The following WLS variants were observed in gnomAD, a reference collection of about 807,000 sequenced individuals.
WLS encodes the protein protein wntless homolog.
WLS carries 23 observed loss-of-function variants against 62.8 expected under a neutral mutation model. The ratio of observed to expected loss-of-function variants is 0.37; its 90% confidence interval spans 0.26 to 0.52. The LOEUF is 0.52. WLS is among the 20% of genes least tolerant of loss of function. WLS has a pLI of 0.92. For synonymous variants in WLS, 246 were observed against 244.1 expected (o/e 1.01, Z -0.07); for missense variants, 615 against 697.3 (o/e 0.88, Z 1.33).
At chr1:68,193,130 G>GAAAAGA in intron 2 of WLS, among the ~76,000 whole-genome samples, 1 of 150,758 alleles carries the variant, frequency 6.6e-6, no homozygotes, top group South Asian at 2.1e-4. Flanking sequence ...GAAAAGAAAA[G>GAAAAGA]AAAAGAAAAA....
intron 11 of WLS, among the ~76,000 whole-genome samples, chr1:68,112,267 T>TACTGGCTA (rs1336621697): frequency 6.6e-6 from 1 of 152,212 alleles, no homozygotes; most frequent in Non-Finnish European, 1.5e-5. Flanking sequence ...GTGCACTAGC[T>TACTGGCTA]GTACAACAGT....
chr1:68,144,788 A>G (rs986026701), intron 9 of WLS, 136 bp from the exon 10 acceptor site: 26 of 675,946 alleles, frequency 3.8e-5, no homozygotes, highest in Non-Finnish European at 6.0e-5. Flanking sequence ...ATAGTTTCCC[A>G]TAGTAATATT....
At chr1:68,189,057 G>A (rs1013290696) in intron 2 of WLS, among the ~76,000 whole-genome samples, 2 of 152,192 alleles carry the variant, frequency 1.3e-5, no homozygotes, top group South Asian at 2.1e-4. Flanking sequence ...TATAAATTGT[G>A]CACTGTTCTG....
rs374267086 is a variant in WLS at position 68,210,311 on chromosome 1, A to G, written c.107-16084T>C. ...ACCAGACCAGGGGTATTTTAACTGGAGAAGAGAAAGTCAAAGGAGAGAAAT... is the reference window on the plus strand; with the variant it reads ...ACCAGACCAGGGGTATTTTAACTGGGGAAGAGAAAGTCAAAGGAGAGAAAT... On this transcript the variant is annotated intron_variant, in intron 1 of 11. Transcript: ENST00000262348. Among the ~76,000 whole-genome samples, 33 of 152,296 alleles carry G rather than the reference A, an allele frequency of 2.2e-4. 1 individual carries two copies. The highest frequency in any genetic ancestry group is 7.2e-4 in the African/African-American group (30 of 41,552).
intron 10 of WLS, chr1:68,138,144 A>G: frequency 1.7e-6 from 1 of 597,478 alleles, no homozygotes; most frequent in Non-Finnish European, 2.9e-6. Flanking sequence ...AGGCACAGTC[A>G]GTGGTCCTTA....
In WLS at chr1:68,135,171, C is replaced by G. The variant is rs11209222; in HGVS notation, c.1516+2609G>C. Among the ~76,000 whole-genome samples the G allele has an allele frequency of 9.5e-3, 1,438 of 152,024 alleles. 19 individuals carry two copies. Among genetic ancestry groups the G allele is most frequent in the African/African-American group, 0.032 (1,341 of 41,368 alleles). On this transcript the variant is annotated intron_variant, in intron 11 of 11. Transcript: ENST00000262348. ...CTTTTCTTTTGAGACAGGGCCTCCT[C>G]TATCTATCACCCAGGTTAGAGTACA...
chr1:68,171,350 C>A (rs2100541400), intron 2 of WLS, among the ~76,000 whole-genome samples: 1 of 152,024 alleles, frequency 6.6e-6, no homozygotes, highest in African/African-American at 2.4e-5. Context: ...TTCTGCACAG[C>A]AAAAGAAACT....
chr1:68,135,169 CTCTA>C (rs369182539), intron 11 of WLS, among the ~76,000 whole-genome samples: 60 of 152,118 alleles, frequency 3.9e-4, no homozygotes, highest in African/African-American at 1.3e-3. Flanking sequence ...ACAGGGCCTC[CTCTA>C]TCTATCACCC....
intron 1 of WLS, among the ~76,000 whole-genome samples, chr1:68,212,712 T>C (rs1462512000): frequency 6.6e-6 from 1 of 152,220 alleles, no homozygotes; most frequent in African/African-American, 2.4e-5. Context: ...CCACCTTATC[T>C]GTTTTTGGTA....
intron 1 of WLS, among the ~76,000 whole-genome samples, chr1:68,195,683 T>A (rs944686319): frequency 2.0e-5 from 3 of 152,150 alleles, no homozygotes; most frequent in African/African-American, 7.2e-5. Flanking sequence ...ATAGAGAAGT[T>A]CCAGATCTTA....
At chr1:68,186,548 TA>T (rs768092894) in intron 2 of WLS, 5 of 451,468 alleles carry the variant, frequency 1.1e-5, no homozygotes, top group South Asian at 7.9e-5. Flanking sequence ...ACATATGAAG[TA>T]ATATTGTTAC....
At chr1:68,137,634 G>A (rs1646629432) in intron 11 of WLS, 146 bp downstream of exon 11, 1 of 831,224 alleles carries the variant, frequency 1.2e-6, no homozygotes, top group African/African-American at 1.7e-5. Flanking sequence ...GAGTCCCCTG[G>A]GTGCTCATTC....
rs569510567 is a variant in WLS at position 68,205,477 on chromosome 1, T to C, written c.107-11250A>G. On this transcript the variant is annotated intron_variant, in intron 1 of 11. Coordinates refer to ENST00000262348, the MANE Select transcript of WLS (RefSeq NM_024911.7). ...ATGTTTAGATAACTGCTGTTCAGCA[T>C]AGTTCCTGGAAACAGGTTCTCAAAG... 3.3e-5 allele frequency among the ~76,000 whole-genome samples: 5 copies of C among 152,328 alleles called. 1 individual carries two copies. The East Asian group carries it at 9.6e-4, about 29-fold the overall frequency.
chr1:68,127,576 G>A (rs1398043473), intron 11 of WLS, among the ~76,000 whole-genome samples: 1 of 152,216 alleles, frequency 6.6e-6, no homozygotes, highest in Non-Finnish European at 1.5e-5. Context: ...GTCTGACTGT[G>A]TGTGGGGGTG....
chr1:68,215,191 C>A (rs1044714458), intron 1 of WLS, among the ~76,000 whole-genome samples: 59 of 152,270 alleles, frequency 3.9e-4, no homozygotes, highest in African/African-American at 1.4e-3. Context: ...AAACACTAGG[C>A]AGCCAAAAAA....
chr1:68,157,378 T>C (rs1029356495), intron 3 of WLS, among the ~76,000 whole-genome samples: 3 of 152,228 alleles, frequency 2.0e-5, no homozygotes, highest in African/African-American at 7.2e-5. Context: ...TCTGGGACAC[T>C]GGCTCAACCT....
chr1:68,193,828 G>T, intron 2 of WLS, 127 bp downstream of exon 2: 1 of 1,252,660 alleles, frequency 8.0e-7, no homozygotes. Context: ...GAAAGTGCCT[G>T]GGAAGTAGTC....
At chr1:68,133,050 A>G (rs2820486) in intron 11 of WLS, among the ~76,000 whole-genome samples, 139 of 8,328 alleles carry the variant, frequency 0.017, no homozygotes, top group East Asian at 0.038. Context: ...AAAAGGCAGC[A>G]GCAGCAACAG....
At chr1:68,187,732 T>C (rs1648046118) in intron 2 of WLS, among the ~76,000 whole-genome samples, 1 of 152,088 alleles carries the variant, frequency 6.6e-6, no homozygotes, top group Non-Finnish European at 1.5e-5. Flanking sequence ...TGGAGAATTC[T>C]AAAATATTCA....
Sources: allele counts gnomAD v4.1 joint callset (sites outside exome capture counted in the v4.1 genomes callset), GRCh38; gene constraint gnomAD v4.1.1; transcripts MANE v1.5; gene names NCBI Gene and HGNC (gene_info 2026-07-23, HGNC 2026-07-21).